Variants in CFAP210 observed in about 807,000 individuals in gnomAD.
CFAP210 encodes cilia- and flagella- associated protein 210.
chr2:169,645,750 T>C, the CFAP210 span: 24 of 820,664 alleles, frequency 2.9e-5, no homozygotes, highest in Non-Finnish European at 4.5e-5. Context: ...TGTACTTAGA[T>C]GAAGAACAGC....
chr2:169,677,805 T>C, the CFAP210 span, among the ~76,000 whole-genome samples: 5 of 152,194 alleles, frequency 3.3e-5, no homozygotes, highest in African/African-American at 4.8e-5. Flanking sequence ...TGATTGTCTA[T>C]GTAGGAAATC....
chr2:169,662,474 G>T, the CFAP210 span: 1 of 1,494,872 alleles, frequency 6.7e-7, no homozygotes, highest in Non-Finnish European at 9.0e-7. Context: ...GAACAAAGCA[G>T]AAAAATAGGT....
the CFAP210 span, among the ~76,000 whole-genome samples, chr2:169,683,277 A>G: frequency 6.6e-6 from 1 of 152,304 alleles, no homozygotes; most frequent in African/African-American, 2.4e-5. Context: ...TTAGTTGCAA[A>G]TGACTAATCT....
the CFAP210 span, chr2:169,649,318 T>G: frequency 6.2e-7 from 1 of 1,612,248 alleles, no homozygotes; most frequent in East Asian, 2.2e-5. Flanking sequence ...TATTTTTCTT[T>G]GTCTTTCTTC....
At chr2:169,674,691 T>TA in the CFAP210 span, 1 of 1,610,604 alleles carries the variant, frequency 6.2e-7, no homozygotes, top group Non-Finnish European at 8.5e-7. Flanking sequence ...TCCCATTTTT[T>TA]ATCTGATTTT....
chr2:169,656,755 G>A, the CFAP210 span, among the ~76,000 whole-genome samples: 62 of 151,932 alleles, frequency 4.1e-4, no homozygotes, highest in African/African-American at 1.5e-3. Flanking sequence ...CCTGAGGTCA[G>A]GAGTTCAAGA....
the CFAP210 span, among the ~76,000 whole-genome samples, chr2:169,692,444 G>GCACACACACACACACACACA: frequency 7.0e-6 from 1 of 143,668 alleles, no homozygotes; most frequent in African/African-American, 2.6e-5. Context: ...ACAGGCGCAC[G>GCACACACACACACACACACA]CACACACACA....
At chr2:169,681,017 T>C in the CFAP210 span, 2 of 1,613,634 alleles carry the variant, frequency 1.2e-6, no homozygotes, top group African/African-American at 1.3e-5. Context: ...TGCATATGTA[T>C]TAGTCCAGTG....
At chr2:169,687,495 C>G in the CFAP210 span, among the ~76,000 whole-genome samples, 1 of 146,248 alleles carries the variant, frequency 6.8e-6, no homozygotes, top group East Asian at 2.0e-4. Context: ...AGGACCCATG[C>G]AAGTCCAAAA....
the CFAP210 span, among the ~76,000 whole-genome samples, chr2:169,654,468 G>C: frequency 6.6e-6 from 1 of 152,076 alleles, no homozygotes; most frequent in South Asian, 2.1e-4. Context: ...TAATCATTGA[G>C]AATATAGTTA....
At chr2:169,670,106 A>G in the CFAP210 span, among the ~76,000 whole-genome samples, 1 of 152,142 alleles carries the variant, frequency 6.6e-6, no homozygotes, top group African/African-American at 2.4e-5. Context: ...ACAGACAGTA[A>G]TTAGTGAGTT....
chr2:169,664,369 T>C, the CFAP210 span, among the ~76,000 whole-genome samples: 17 of 152,314 alleles, frequency 1.1e-4, no homozygotes, highest in African/African-American at 3.8e-4. Flanking sequence ...ATTATAACTA[T>C]GCATCCATTG....
chr2:169,656,418 G>A, the CFAP210 span, among the ~76,000 whole-genome samples: 1 of 151,116 alleles, frequency 6.6e-6, no homozygotes, highest in Non-Finnish European at 1.5e-5. Context: ...TAGAGAAGGA[G>A]GAGGACGAGG....
the CFAP210 span, chr2:169,654,339 T>G: frequency 1.3e-6 from 1 of 790,780 alleles, no homozygotes; most frequent in Non-Finnish European, 1.9e-6. Context: ...CCTGGAAATT[T>G]TATCCCAAAG....
the CFAP210 span, among the ~76,000 whole-genome samples, chr2:169,670,895 T>G: frequency 6.6e-6 from 1 of 152,192 alleles, no homozygotes; most frequent in Non-Finnish European, 1.5e-5. Context: ...TTGGGCTCCA[T>G]CCTCTGAAGG....
chr2:169,682,642 C>G, the CFAP210 span, among the ~76,000 whole-genome samples: 3 of 152,094 alleles, frequency 2.0e-5, no homozygotes, highest in Non-Finnish European at 4.4e-5. Context: ...GTGAATTCTG[C>G]CTTCTGTCTT....
the CFAP210 span, among the ~76,000 whole-genome samples, chr2:169,653,651 G>C: frequency 6.6e-6 from 1 of 152,066 alleles, no homozygotes; most frequent in East Asian, 1.9e-4. Context: ...CCTTCTTACT[G>C]AGAGTCTTCT....
the CFAP210 span, among the ~76,000 whole-genome samples, chr2:169,649,654 T>C: frequency 6.6e-6 from 1 of 152,118 alleles, no homozygotes; most frequent in Non-Finnish European, 1.5e-5. Flanking sequence ...CCAGCCATAC[T>C]TGGTGGCTCA....
At chr2:169,653,599 A>T in the CFAP210 span, among the ~76,000 whole-genome samples, 2 of 151,868 alleles carry the variant, frequency 1.3e-5, no homozygotes, top group African/African-American at 2.4e-5. Flanking sequence ...CATTTTAAAA[A>T]TTGTACTTAA....
Sources: allele counts gnomAD v4.1 joint callset (sites outside exome capture counted in the v4.1 genomes callset), GRCh38; gene constraint gnomAD v4.1.1; transcripts MANE v1.5; gene names NCBI Gene and HGNC (gene_info 2026-07-23, HGNC 2026-07-21).